Variants in MARK2 observed in about 807,000 individuals in gnomAD.
The protein encoded by MARK2 is microtubule affinity regulating kinase 2.
A neutral mutation model predicts 89.8 loss-of-function variants in MARK2; 16 were observed. That is an observed-to-expected ratio of 0.18 (90% CI 0.12 to 0.27). The LOEUF is 0.27. MARK2 is among the 10% of genes least tolerant of loss of function. The pLI, the probability that MARK2 is intolerant of heterozygous loss-of-function variation, is 1.00. For synonymous variants in MARK2, 382 were observed against 399.5 expected (o/e 0.96, Z 0.52); for missense variants, 621 against 1,049.9 (o/e 0.59, Z 5.65).
intron 1 of MARK2, among the ~76,000 whole-genome samples, chr11:63,870,908 T>C (rs1938407979): frequency 6.6e-6 from 1 of 152,000 alleles, no homozygotes; most frequent in African/African-American, 2.4e-5. Flanking sequence ...TGAAGACAGG[T>C]GGCTGGAACC....
At chr11:63,840,151 T>C (rs1457601241) in intron 1 of MARK2, among the ~76,000 whole-genome samples, 1 of 152,160 alleles carries the variant, frequency 6.6e-6, no homozygotes, top group Non-Finnish European at 1.5e-5. Flanking sequence ...ACCCACCAGC[T>C]CCACCCTCAT....
At chr11:63,898,137 G>GT (rs1565137104) in intron 3 of MARK2, 95 bp from the exon 4 acceptor site, 2 of 1,117,588 alleles carry the variant, frequency 1.8e-6, no homozygotes, top group South Asian at 2.6e-5. Context: ...CCCGGTTTTG[G>GT]TTTTTTGGGA....
intron 1 of MARK2, among the ~76,000 whole-genome samples, chr11:63,852,846 A>ATTC (rs2016640935): frequency 6.6e-6 from 1 of 152,220 alleles, no homozygotes; most frequent in Non-Finnish European, 1.5e-5. Context: ...TTAAAGAAAA[A>ATTC]GGAATTGCAT....
At chr11:63,888,799 G>C (rs1207617469) in intron 1 of MARK2, 1 of 1,271,232 alleles carries the variant, frequency 7.9e-7, no homozygotes, top group Non-Finnish European at 1.0e-6. Context: ...GTGGTGGAAG[G>C]TGTCGCCTGC....
chr11:63,863,717 G>A (rs1314837966), intron 1 of MARK2, among the ~76,000 whole-genome samples: 2 of 151,502 alleles, frequency 1.3e-5, no homozygotes, highest in East Asian at 2.0e-4. Context: ...GCCTGCCTTT[G>A]CCTCCCAAAG....
At chr11:63,840,220 AGCT>A (rs1203629699) in intron 1 of MARK2, among the ~76,000 whole-genome samples, 1 of 151,808 alleles carries the variant, frequency 6.6e-6, no homozygotes, top group Non-Finnish European at 1.5e-5. Context: ...TTGCTCCAGG[AGCT>A]CCCTGGATCC....
rs1447449950 is a variant in MARK2 at position 63,902,379 on chromosome 11, G to C, written c.1234+49G>C. 6.2e-7 allele frequency: 1 copy of C among 1,609,592 alleles called. No homozygotes were observed. Among genetic ancestry groups the C allele is most frequent in the Non-Finnish European group, 8.5e-7 (1 of 1,177,016 alleles). On this transcript the variant is annotated intron_variant, in intron 12 of 18. Coordinates refer to ENST00000402010, the MANE Select transcript of MARK2 (RefSeq NM_001039469.3). The surrounding 1 kb of genome is among the most constrained non-coding windows in gnomAD (Gnocchi z 4.2). ...GTGGGGACTCACCCCTCTCCAGAGA[G>C]GTTACAGGTTCTGTGGGGACTTGGG...
At chr11:63,908,538 G>A (rs1941534650) in intron 18 of MARK2, among the ~76,000 whole-genome samples, 1 of 152,214 alleles carries the variant, frequency 6.6e-6, no homozygotes, top group African/African-American at 2.4e-5. Flanking sequence ...TGGGTCGGGT[G>A]GTTGGGGCTA....
chr11:63,870,273 C>T (rs966737315), intron 1 of MARK2, among the ~76,000 whole-genome samples: 1 of 152,188 alleles, frequency 6.6e-6, no homozygotes, highest in African/African-American at 2.4e-5. Context: ...CAGGGTCTTA[C>T]AATATTGCCC....
At chr11:63,886,027 G>A (rs1315495728) in intron 1 of MARK2, among the ~76,000 whole-genome samples, 1 of 151,868 alleles carries the variant, frequency 6.6e-6, no homozygotes, top group Non-Finnish European at 1.5e-5. Flanking sequence ...TACTCGGGAG[G>A]CTGAGGCAGG....
chr11:63,903,380 C>G lies in MARK2; in HGVS notation c.1514+222C>G. ...TACTTGCAGTTTGCCAAGTGTGGGG[C>G]TGACCGTGGCCATCTCAGCTACATG... On this transcript the variant is annotated intron_variant, in intron 14 of 18. Coordinates refer to ENST00000402010, the MANE Select transcript of MARK2 (RefSeq NM_001039469.3). The surrounding 1 kb of genome is among the most constrained non-coding windows in gnomAD (Gnocchi z 5.1). 1.8e-6 allele frequency: 1 copy of G among 554,620 alleles called. No homozygotes were observed. Among genetic ancestry groups the G allele is most frequent in the Non-Finnish European group, 3.3e-6 (1 of 307,128 alleles). 34.4% of individuals were successfully genotyped at this position (554,620 alleles called of 1,614,324 possible).
chr11:63,885,958 C>G (rs2135300953), intron 1 of MARK2, among the ~76,000 whole-genome samples: 1 of 151,970 alleles, frequency 6.6e-6, no homozygotes, highest in South Asian at 2.1e-4. Context: ...GAAACCTCGT[C>G]TCTACTAAAA....
At position 63,898,589 on chromosome 11, in the gene MARK2, T is replaced by G; in HGVS notation, c.338-19T>G. ...CCCCTGTTGCTTCTTGACTTAAGGCTTGGCCTTTTCTCTTGTAGTTAAATT... is the reference window on the plus strand; with the variant it reads ...CCCCTGTTGCTTCTTGACTTAAGGCGTGGCCTTTTCTCTTGTAGTTAAATT... On this transcript the variant is annotated intron_variant, in intron 4 of 18. Coordinates refer to ENST00000402010, the MANE Select transcript of MARK2 (RefSeq NM_001039469.3). 2 of 1,605,416 alleles carry G rather than the reference T, an allele frequency of 1.2e-6. No homozygotes were observed. Among genetic ancestry groups the G allele is most frequent in the Non-Finnish European group, 1.7e-6 (2 of 1,172,020 alleles).
chr11:63,892,383 C>G (rs1304719008), intron 1 of MARK2, among the ~76,000 whole-genome samples: 1 of 152,174 alleles, frequency 6.6e-6, no homozygotes, highest in Admixed American at 6.5e-5. Context: ...TTGCTGCTGT[C>G]GTTTCTGCCT....
Position 63,904,158 on chromosome 11 carries a change from T to C in MARK2, c.1676+11T>C. 1 of 1,553,892 alleles carries C rather than the reference T, an allele frequency of 6.4e-7. No homozygotes were observed. The highest frequency in any genetic ancestry group is 8.7e-7 in the Non-Finnish European group (1 of 1,155,726). On this transcript the variant is annotated intron_variant, in intron 15 of 18. Transcript: ENST00000402010. The surrounding 1 kb of genome is among the most constrained non-coding windows in gnomAD (Gnocchi z 6.3). ...GGTGCCGCGGCCCAGGCAAGTGTGC[T>C]GGGGCAGCTGGTGCACCTGCTGCCC... is the stretch of plus-strand genomic sequence containing the variant.
Position 63,858,264 on chromosome 11 carries a change from C to T in MARK2, c.54+18704C>T, listed in dbSNP as rs2016964819. On this transcript the variant is annotated intron_variant, in intron 1 of 18. Coordinates refer to ENST00000402010, the MANE Select transcript of MARK2 (RefSeq NM_001039469.3). ...CTCCTGGCTTCAATTGATCTGCCTG[C>T]CTCGGCCTCCCAAAGTGCTAGGATT... is the stretch of plus-strand genomic sequence containing the variant. Among the ~76,000 whole-genome samples, 2 of 152,016 alleles carry T rather than the reference C, an allele frequency of 1.3e-5. 1 individual carries two copies. Among genetic ancestry groups the T allele is most frequent in the South Asian group, 4.1e-4 (2 of 4,820 alleles).
intron 1 of MARK2, among the ~76,000 whole-genome samples, chr11:63,885,886 T>G (rs143357850): frequency 0.054 from 8,231 of 151,280 alleles, 293 homozygotes; most frequent in South Asian, 0.21. Context: ...CCCAGCACTT[T>G]GGGAGGCCAA....
rs1294220619 is a variant in MARK2, at chr11:63,839,402, G to C, written c.-105G>C. 4.6e-6 allele frequency: 3 copies of C among 656,624 alleles called. No individual in the cohort carries two copies. The East Asian group carries it at 9.9e-5, about 22-fold the overall frequency. The allele number at this position is 656,624 out of a possible 1,614,324, so 40.7% of individuals were successfully genotyped here. ...CCGCACCCCCGGCCGGGGCCCATGC[G>C]GCGGGTGCTCCTGCTGTGAGAAGCC... On this transcript the variant is annotated 5_prime_UTR_variant, in exon 1 of 19. Coordinates refer to ENST00000402010, the MANE Select transcript of MARK2 (RefSeq NM_001039469.3).
chr11:63,876,271 C>T (rs1257564394), intron 1 of MARK2, among the ~76,000 whole-genome samples: 1 of 152,134 alleles, frequency 6.6e-6, no homozygotes, highest in African/African-American at 2.4e-5. Flanking sequence ...CTGGAGAAAA[C>T]ATCCATCTCC....
Sources: allele counts gnomAD v4.1 joint callset (sites outside exome capture counted in the v4.1 genomes callset), GRCh38; gene constraint gnomAD v4.1.1; non-coding constraint Gnocchi (gnomAD v3.1); transcripts MANE v1.5; gene names NCBI Gene and HGNC (gene_info 2026-07-23, HGNC 2026-07-21).